NSL1: variants seen among roughly 807,000 people sequenced by gnomAD.
The protein encoded by NSL1 is NSL1 component of MIS12 kinetochore complex.
NSL1 carries 11 observed loss-of-function variants against 25.4 expected under a neutral mutation model. The ratio of observed to expected loss-of-function variants is 0.43; its 90% CI spans 0.27 to 0.72. The LOEUF is 0.72. Ranked by LOEUF, NSL1 falls within the 30% of genes least tolerant of loss-of-function variation. The probability of loss-of-function intolerance (pLI) is 0.19; values close to 1 mark genes in which losing one functional copy is unlikely to be tolerated. For missense variants in NSL1, 330 were observed against 342.7 expected, an observed-to-expected ratio of 0.96 and a Z score of 0.29; for synonymous variants, 118 against 120.6, an observed-to-expected ratio of 0.98 and a Z score of 0.14.
rs1658069297 is a variant in NSL1, at chr1:212,732,585, C to A, written c.*5823G>T. The A allele has an allele frequency of 5.1e-6, 5 of 984,052 alleles. No homozygotes were observed. In the South Asian group the frequency reaches 1.9e-4, roughly 37 times the overall value. 61.0% of individuals were successfully genotyped at this position (984,052 alleles called of 1,614,324 possible). A position where few individuals can be genotyped will look rare whatever the true frequency, so the allele number is the denominator to read the frequency against. ...CTGGGATTACAGGTGTGAGCCACCG[C>A]ACCCGGCCTACATAGTCTTATTCCA... On this transcript the variant is annotated 3_prime_UTR_variant, in exon 6 of 6. Transcript: ENST00000366977.
At chr1:212,778,812 G>A (rs1280735199) in intron 4 of NSL1, among the ~76,000 whole-genome samples, 24 of 152,176 alleles carry the variant, frequency 1.6e-4, no homozygotes, top group African/African-American at 5.5e-4. Context: ...GCCTCTGCCC[G>A]GCCGCCACCC....
At position 212,729,503 on chromosome 1, in the gene NSL1, G is replaced by A; in HGVS notation, c.*8905C>T. 2.0e-6 allele frequency: 2 copies of A among 985,300 alleles called. No homozygotes were observed. The highest frequency in any genetic ancestry group is 2.4e-6 in the Non-Finnish European group (2 of 829,866). The allele number at this position is 985,300 out of a possible 1,614,324, so 61.0% of individuals were successfully genotyped here. A position where few individuals can be genotyped will look rare whatever the true frequency, so the allele number is the denominator to read the frequency against. ...AAAGATCCTGAGGCTCTGGAGCTGG[G>A]GTGTATGGGACCTGGAGCAGGGGTG... On this transcript the variant is annotated 3_prime_UTR_variant, in exon 6 of 6. Coordinates refer to ENST00000366977, the MANE Select transcript of NSL1 (RefSeq NM_015471.4).
chr1:212,775,893 T>C (rs112610608), intron 4 of NSL1, among the ~76,000 whole-genome samples: 30,918 of 151,436 alleles, frequency 0.2, 3,981 homozygotes, highest in African/African-American at 0.37. Flanking sequence ...AGTGGCGCGA[T>C]CTCGGCTCAC....
intron 2 of NSL1, among the ~76,000 whole-genome samples, chr1:212,784,801 G>A (rs1660874778): frequency 2.0e-5 from 3 of 152,198 alleles, no homozygotes; most frequent in Non-Finnish European, 1.5e-5. Context: ...AACCTGATAA[G>A]TGCAATAGAG....
intron 1 of NSL1, among the ~76,000 whole-genome samples, 172 bp from the exon 2 acceptor site, chr1:212,787,809 A>G (rs1430978140): frequency 1.8e-4 from 27 of 152,208 alleles, no homozygotes; most frequent in Admixed American, 1.8e-3. Context: ...CATTGATTCT[A>G]CCTACATTTT....
intron 2 of NSL1, among the ~76,000 whole-genome samples, chr1:212,786,426 A>G (rs1193944838): frequency 1.3e-5 from 2 of 152,138 alleles, no homozygotes; most frequent in East Asian, 1.9e-4. Context: ...TAAAAAAAAA[A>G]AAAAGAAAAG....
intron 4 of NSL1, among the ~76,000 whole-genome samples, chr1:212,743,547 T>G (rs796352474): frequency 3.9e-5 from 6 of 152,182 alleles, no homozygotes; most frequent in African/African-American, 1.2e-4. Context: ...ATATACTTCA[T>G]GTATATTCAA....
chr1:212,774,457 G>A lies in NSL1; in HGVS notation c.499+7915C>T, dbSNP rs186890483. On this transcript the variant is annotated intron_variant, in intron 4 of 5. Coordinates refer to ENST00000366977, the MANE Select transcript of NSL1 (RefSeq NM_015471.4). ...ATCATATATCTGATAAGGGACTAGC[G>A]TCCAGAATACATAAAGAACCAGTAT... Among the ~76,000 whole-genome samples the A allele has an allele frequency of 2.6e-4, 40 of 152,182 alleles. 1 individual carries two copies. The highest frequency in any genetic ancestry group is 5.8e-4 in the East Asian group (3 of 5,184).
chr1:212,752,849 A>T lies in NSL1; in HGVS notation c.500-13248T>A, dbSNP rs73081848. Reference sequence around the variant, plus strand: ...GTCACTGTACTGACTAAACTAGGAAACATGAACTTCCAAAAGCCTGCCCAA... The same window carrying T: ...GTCACTGTACTGACTAAACTAGGAATCATGAACTTCCAAAAGCCTGCCCAA... On this transcript the variant is annotated intron_variant, in intron 4 of 5. Transcript: ENST00000366977. 5.2e-3 allele frequency among the ~76,000 whole-genome samples: 784 copies of T among 152,010 alleles called. 5 individuals carry two copies. Among genetic ancestry groups the T allele is most frequent in the African/African-American group, 0.018 (747 of 41,346 alleles).
chr1:212,754,769 C>CAAAAA (rs59259608), intron 4 of NSL1, among the ~76,000 whole-genome samples: 3 of 71,320 alleles, frequency 4.2e-5, no homozygotes, highest in African/African-American at 1.2e-4. Flanking sequence ...AATTCTGTCT[C>CAAAAA]AAAAAAAAAA....
In NSL1 at chr1:212,734,636, G is replaced by A. The variant is rs905170858; in HGVS notation, c.*3772C>T. Among the ~76,000 whole-genome samples the A allele has an allele frequency of 6.6e-6, 1 of 152,078 alleles. No homozygotes were observed. The highest frequency in any genetic ancestry group is 2.4e-5 in the African/African-American group (1 of 41,400). ...CACAGGATGTATTCTCTTGTGCCTG[G>A]CTTTGCTTCTTTTATTCAATATAGT... On this transcript the variant is annotated 3_prime_UTR_variant, in exon 6 of 6. Coordinates refer to ENST00000366977, the MANE Select transcript of NSL1 (RefSeq NM_015471.4).
chr1:212,732,664 G>A lies in NSL1; in HGVS notation c.*5744C>T, dbSNP rs1183205553. 8 of 985,178 alleles carry A rather than the reference G, an allele frequency of 8.1e-6. No homozygotes were observed. In the African/African-American group the frequency reaches 8.7e-5, roughly 11 times the overall value. 61.0% of individuals were successfully genotyped at this position (985,178 alleles called of 1,614,324 possible). A position where few individuals can be genotyped will look rare whatever the true frequency, so the allele number is the denominator to read the frequency against. ...TGATTAGTTAGTAGCCTGTAGACTCGAGTGTGCTGTGTTTTGGGAGCCTTA... is the reference window on the plus strand; with the variant it reads ...TGATTAGTTAGTAGCCTGTAGACTCAAGTGTGCTGTGTTTTGGGAGCCTTA... On this transcript the variant is annotated 3_prime_UTR_variant, in exon 6 of 6. Transcript: ENST00000366977.
At chr1:212,767,114 A>C (rs1018362513) in intron 4 of NSL1, among the ~76,000 whole-genome samples, 1 of 152,210 alleles carries the variant, frequency 6.6e-6, no homozygotes, top group Non-Finnish European at 1.5e-5. Flanking sequence ...ATGAAACCAA[A>C]AAAGAGCCCA....
rs76341923 is a variant in NSL1 at position 212,760,435 on chromosome 1, G to A, written c.500-20834C>T. ...TGATAACAGGCCCAGCCAACATACT[G>A]CGGGTGCCTGAGCATACCGTTTGAG... is the stretch of plus-strand genomic sequence containing the variant. On this transcript the variant is annotated intron_variant, in intron 4 of 5. Transcript: ENST00000366977. The surrounding 1 kb of genome is among the most constrained non-coding windows in gnomAD (Gnocchi z 4.3). Among the ~76,000 whole-genome samples, 157 of 152,176 alleles carry A rather than the reference G, an allele frequency of 1.0e-3. No individual in the cohort carries two copies. Among genetic ancestry groups the A allele is most frequent in the African/African-American group, 3.6e-3 (149 of 41,512 alleles).
In NSL1 at chr1:212,791,742, C is replaced by G; in HGVS notation, c.22G>C (p.Val8Leu). Residue 8 changes from valine (V) to leucine (L), a missense_variant, in exon 1 of 6, where the codon GTG becomes CTG. Coordinates refer to ENST00000366977, the MANE Select transcript of NSL1 (RefSeq NM_015471.4). MAGSPEL[V>L]VLDPPWDKEL... is the part of the protein sequence containing the mutation. ...TTGTCCCATGGAGGGTCAAGGACCA[C>G]CAACTCAGGAGACCCCGCCATTTTT... is the stretch of plus-strand genomic sequence containing the variant. 6.2e-7 allele frequency: 1 copy of G among 1,610,474 alleles called. No individual in the cohort carries two copies. The highest frequency in any genetic ancestry group is 8.5e-7 in the Non-Finnish European group (1 of 1,178,008).
chr1:212,727,116 T>A lies in NSL1; in HGVS notation c.*11292A>T. The A allele has an allele frequency of 1.9e-6, 3 of 1,564,400 alleles. No individual in the cohort carries two copies. The African/African-American group carries it at 4.1e-5, about 21-fold the overall frequency. On this transcript the variant is annotated 3_prime_UTR_variant, in exon 6 of 6. Coordinates refer to ENST00000366977, the MANE Select transcript of NSL1 (RefSeq NM_015471.4). Reference sequence around the variant, plus strand: ...GCCAGTTCACCAGAGGCAGAAGGGATGAAGGTTCCCCGATCCCCTTCTCTC... The same window carrying A: ...GCCAGTTCACCAGAGGCAGAAGGGAAGAAGGTTCCCCGATCCCCTTCTCTC...
chr1:212,732,748 C>T lies in NSL1; in HGVS notation c.*5660G>A. 1.5e-6 allele frequency: 1 copy of T among 678,478 alleles called. No homozygotes were observed. Among genetic ancestry groups the T allele is most frequent in the South Asian group, 6.6e-5 (1 of 15,108 alleles). The allele number at this position is 678,478 out of a possible 1,614,324, so 42.0% of individuals were successfully genotyped here. ...TTTACCCTTTGGAATAGAGCACAGC[C>T]CCTGGTAGAACCCCCAAACGGGATG... On this transcript the variant is annotated 3_prime_UTR_variant, in exon 6 of 6. Transcript: ENST00000366977.
intron 4 of NSL1, among the ~76,000 whole-genome samples, chr1:212,765,908 G>A (rs1224866326): frequency 4.6e-5 from 7 of 152,028 alleles, no homozygotes; most frequent in Non-Finnish European, 7.4e-5. Flanking sequence ...AGGCCAAGGT[G>A]GGTGGATCAC....
In NSL1 at chr1:212,727,895, T is replaced by C. The variant is rs7546754; in HGVS notation, c.*10513A>G. 158,709 of 985,154 alleles carry C rather than the reference T, an allele frequency of 0.16. 14,298 individuals carry two copies. Among genetic ancestry groups the C allele is most frequent in the African/African-American group, 0.38 (21,581 of 57,264 alleles). 61.0% of individuals were successfully genotyped at this position (985,154 alleles called of 1,614,324 possible). On this transcript the variant is annotated 3_prime_UTR_variant, in exon 6 of 6. Transcript: ENST00000366977. The stretch of plus-strand genomic sequence containing the variant: ...TGATACTCTCTGTTGCTATGTGTCA[T>C]TGAAAAAAAATGAGAAGAACCAACG...
Sources: allele counts gnomAD v4.1 joint callset (sites outside exome capture counted in the v4.1 genomes callset), GRCh38; gene constraint gnomAD v4.1.1; non-coding constraint Gnocchi (gnomAD v3.1); transcripts MANE v1.5; gene names NCBI Gene and HGNC (gene_info 2026-07-23, HGNC 2026-07-21).